Variants in CTIF observed in about 807,000 individuals in gnomAD.
CTIF encodes the protein cap binding complex dependent translation initiation factor, also known as CBP80/20-dependent translation initiation factor.
In CTIF, 21 loss-of-function variants were observed where a neutral mutation model predicts 66.0. The observed-to-expected ratio is 0.32, with a 90% CI of 0.23 to 0.46. CTIF has a LOEUF of 0.46. Ranked by LOEUF, CTIF falls within the 20% of genes least tolerant of loss-of-function variation. The pLI, the probability that CTIF is intolerant of heterozygous loss-of-function variation, is 1.00. For synonymous variants in CTIF, 345 were observed against 326.4 expected (o/e 1.06, Z -0.62); for missense variants, 739 against 812.7 (o/e 0.91, Z 1.10).
At chr18:48,594,615 C>T (rs2089956844) in intron 1 of CTIF, among the ~76,000 whole-genome samples, 1 of 152,192 alleles carries the variant, frequency 6.6e-6, no homozygotes, top group South Asian at 2.1e-4. Context: ...CCCCTTCCCT[C>T]CTCACTTGGA....
chr18:48,749,967 C>G (rs1173120571), intron 7 of CTIF, among the ~76,000 whole-genome samples: 1 of 152,194 alleles, frequency 6.6e-6, no homozygotes, highest in Non-Finnish European at 1.5e-5. Context: ...TCACGCGGAG[C>G]CTGGCGACTC....
At chr18:48,601,944 T>G (rs1265719576) in intron 1 of CTIF, among the ~76,000 whole-genome samples, 1 of 152,196 alleles carries the variant, frequency 6.6e-6, no homozygotes, top group African/African-American at 2.4e-5. Context: ...ACCTATAATA[T>G]GAAGAATTGG....
chr18:48,829,806 T>C (rs192797894), intron 10 of CTIF, among the ~76,000 whole-genome samples: 1 of 152,360 alleles, frequency 6.6e-6, no homozygotes, highest in East Asian at 1.9e-4. Flanking sequence ...TCCAACCGAC[T>C]CCAGCTCTCA....
intron 1 of CTIF, chr18:48,540,233 G>T (rs1026519112): frequency 1.3e-5 from 2 of 152,226 alleles, no homozygotes; most frequent in Admixed American, 6.5e-5. Context: ...ACGCCCGGCG[G>T]AGAGGGGTTC....
At chr18:48,587,682 G>A (rs1353670698) in intron 1 of CTIF, among the ~76,000 whole-genome samples, 8 of 152,168 alleles carry the variant, frequency 5.3e-5, no homozygotes, top group Admixed American at 5.2e-4. Flanking sequence ...TAAACTTCCA[G>A]GTCATTCTCA....
Position 48,643,412 on chromosome 18 carries a change from C to T in CTIF, c.252+6727C>T, listed in dbSNP as rs150366181. Among the ~76,000 whole-genome samples the T allele has an allele frequency of 1.4e-3, 207 of 152,310 alleles. 1 individual carries two copies. The highest frequency in any genetic ancestry group is 0.01 in the Middle Eastern group (3 of 294). The stretch of plus-strand genomic sequence containing the variant: ...TGCTAATAGACAAAATGGGGAAACA[C>T]AGCAAGGCCTGTCTGTCTAGACTCT... On this transcript the variant is annotated intron_variant, in intron 3 of 11. Coordinates refer to ENST00000256413, the MANE Select transcript of CTIF (RefSeq NM_014772.3).
At chr18:48,613,015 G>A (rs17762618) in intron 1 of CTIF, among the ~76,000 whole-genome samples, 3,150 of 152,216 alleles carry the variant, frequency 0.021, 64 homozygotes, top group Non-Finnish European at 0.03. Context: ...TGCGGGCCTC[G>A]AATGATGGAT....
At chr18:48,549,805 T>A (rs984422242) in intron 1 of CTIF, among the ~76,000 whole-genome samples, 2 of 152,188 alleles carry the variant, frequency 1.3e-5, no homozygotes, top group Non-Finnish European at 2.9e-5. Flanking sequence ...TGCTTTCGCC[T>A]CATCTAGAGC....
At chr18:48,830,509 T>C (rs564892335) in intron 10 of CTIF, among the ~76,000 whole-genome samples, 2 of 152,250 alleles carry the variant, frequency 1.3e-5, no homozygotes, top group East Asian at 3.9e-4. Context: ...CCCTTCCCTG[T>C]AGCTCACTGT....
Position 48,803,535 on chromosome 18 carries a change from C to T in CTIF, c.1372-13686C>T, listed in dbSNP as rs539179692. On this transcript the variant is annotated intron_variant, in intron 9 of 11. Coordinates refer to ENST00000256413, the MANE Select transcript of CTIF (RefSeq NM_014772.3). ...GGAGAGTGTCAGGCACCTGTGACAG[C>T]CACCCGATGGTCCTAGGTAAGGCCT... is the stretch of plus-strand genomic sequence containing the variant. Among the ~76,000 whole-genome samples, 12 of 152,302 alleles carry T rather than the reference C, an allele frequency of 7.9e-5. No individual in the cohort carries two copies. The East Asian group carries it at 2.1e-3, about 27-fold the overall frequency.
chr18:48,768,449 A>T (rs544778637), intron 9 of CTIF, among the ~76,000 whole-genome samples: 1 of 152,138 alleles, frequency 6.6e-6, no homozygotes, highest in African/African-American at 2.4e-5. Flanking sequence ...CTGTGTGTGA[A>T]TCGGAGGTAG....
intron 3 of CTIF, among the ~76,000 whole-genome samples, chr18:48,646,229 C>T (rs2091028252): frequency 1.3e-5 from 2 of 151,840 alleles, no homozygotes; most frequent in Admixed American, 6.6e-5. Flanking sequence ...AAAAACAATC[C>T]AATTAGAAAA....
In CTIF at chr18:48,859,486, C is replaced by A. The variant is rs755460537; in HGVS notation, c.1724C>A (p.Ala575Asp). ...CTCCTAGAGGTCATCGAGCTCCACG[C>A]TAACAGCTGGAACCCTCTGACGCCC... is the stretch of plus-strand genomic sequence containing the variant. Reference protein sequence around the residue: ...SLLLEVIELHANSWNPLTPPI... With the variant: ...SLLLEVIELHDNSWNPLTPPI... Residue 575 changes from alanine to aspartate, a missense_variant, in exon 12 of 12, where the codon GCT becomes GAT. Transcript: ENST00000256413. The A allele has an allele frequency of 6.2e-7, 1 of 1,614,248 alleles. No individual in the cohort carries two copies. The highest frequency in any genetic ancestry group is 1.1e-5 in the South Asian group (1 of 91,088).
At chr18:48,656,546 C>T (rs2091249739) in intron 3 of CTIF, among the ~76,000 whole-genome samples, 1 of 152,138 alleles carries the variant, frequency 6.6e-6, no homozygotes, top group African/African-American at 2.4e-5. Flanking sequence ...GTCTCTGAGG[C>T]CTTCCCAGAG....
chr18:48,630,935 C>T (rs2090699856), intron 2 of CTIF, among the ~76,000 whole-genome samples: 2 of 152,104 alleles, frequency 1.3e-5, no homozygotes, highest in Non-Finnish European at 2.9e-5. Context: ...CCTCAGCCTC[C>T]CAAAGTGCTG....
chr18:48,654,762 G>A (rs1274826285), intron 3 of CTIF, among the ~76,000 whole-genome samples: 2 of 152,182 alleles, frequency 1.3e-5, no homozygotes, highest in Non-Finnish European at 2.9e-5. Flanking sequence ...AAGAAAATGT[G>A]GCACATGTAT....
chr18:48,665,166 G>A (rs1045828513), intron 5 of CTIF, among the ~76,000 whole-genome samples: 15 of 151,688 alleles, frequency 9.9e-5, no homozygotes, highest in Middle Eastern at 3.4e-3. Flanking sequence ...CACCCGCCTC[G>A]GCCTCCCAAA....
chr18:48,742,283 G>C (rs527575296), intron 7 of CTIF, among the ~76,000 whole-genome samples: 52 of 152,318 alleles, frequency 3.4e-4, no homozygotes, highest in African/African-American at 1.3e-3. Context: ...GAATGGCGTG[G>C]GTGCTCATAG....
intron 2 of CTIF, among the ~76,000 whole-genome samples, chr18:48,627,771 G>A (rs369421835): frequency 6.7e-6 from 1 of 149,990 alleles, no homozygotes; most frequent in East Asian, 2.0e-4. Flanking sequence ...GACAGGGTTG[G>A]GGGGGAGGGT....
Sources: gnomAD v4.1 joint callset for allele counts (sites outside exome capture counted in the v4.1 genomes callset) on GRCh38, gnomAD v4.1.1 for gene constraint, MANE v1.5 for transcripts, NCBI Gene and HGNC (gene_info 2026-07-23, HGNC 2026-07-21) for gene names.